Variants in CPXM2 observed in about 807,000 individuals in gnomAD.
CPXM2 encodes inactive carboxypeptidase-like protein X2.
A neutral mutation model predicts 86.1 loss-of-function variants in CPXM2; 66 were observed. That is an observed-to-expected ratio of 0.77 (90% CI 0.63 to 0.94). The LOEUF (loss-of-function observed/expected upper bound fraction) is 0.94. Among genes scored for constraint, CPXM2 ranks in the 40% least tolerant of loss-of-function variants. The pLI is 0.00. For missense variants in CPXM2, 948 were observed against 1,026.3 expected, an observed-to-expected ratio of 0.92 and a Z score of 1.04; for synonymous variants, 388 against 400.2, an observed-to-expected ratio of 0.97 and a Z score of 0.36.
At chr10:123,912,915 T>A (rs1945502575) in intron 2 of CPXM2, among the ~76,000 whole-genome samples, 1 of 152,242 alleles carries the variant, frequency 6.6e-6, no homozygotes, top group South Asian at 2.1e-4. Context: ...CCAGACCTTG[T>A]GGATTTACCT....
upstream of CPXM2, chr10:123,891,812 G>A (rs954990484): frequency 1.7e-5 from 5 of 293,778 alleles, no homozygotes; most frequent in Non-Finnish European, 2.7e-5. This position sits in a 1 kb window ranked among gnomAD's most constrained non-coding sequence, Gnocchi z 5.6. Flanking sequence ...GCGTGTGACC[G>A]GCCCGCGGGG....
intron 2 of CPXM2, among the ~76,000 whole-genome samples, chr10:123,873,976 C>T (rs113808446): frequency 0.019 from 2,818 of 151,158 alleles, 33 homozygotes; most frequent in Middle Eastern, 0.048. Context: ...TCTTGTGCCT[C>T]AGCCTCCTGA....
At chr10:123,881,729 G>T (rs1945096838) in intron 1 of CPXM2, among the ~76,000 whole-genome samples, 1 of 152,218 alleles carries the variant, frequency 6.6e-6, no homozygotes, top group South Asian at 2.1e-4. Context: ...TGGGGGCTGG[G>T]TGTCCCTGTG....
chr10:123,911,626 A>G (rs1044837422), intron 2 of CPXM2, among the ~76,000 whole-genome samples: 2 of 152,012 alleles, frequency 1.3e-5, no homozygotes, highest in Admixed American at 1.3e-4. Context: ...AAGCTGAGAG[A>G]CTTCAGGAAA....
At chr10:123,843,432 A>ATT (rs5788632) in intron 3 of CPXM2, among the ~76,000 whole-genome samples, 3,122 of 126,328 alleles carry the variant, frequency 0.025, 244 homozygotes, top group African/African-American at 0.062. Context: ...TCACAGAGCT[A>ATT]TTTTTTTTTT....
Position 123,780,268 on chromosome 10 carries a change from A to G in CPXM2, c.890-13T>C. The G allele has an allele frequency of 3.9e-6, 6 of 1,553,324 alleles. No individual in the cohort carries two copies. The highest frequency in any genetic ancestry group is 5.3e-6 in the Non-Finnish European group (6 of 1,125,004). ...TAATTATTAGGATCTAGGGACAGAA[A>G]CATGATTTTGCATTTACTCCCATCA... On this transcript the variant is annotated splice_polypyrimidine_tract_variant and intron_variant, in intron 6 of 13. Transcript: ENST00000241305.
Position 123,842,426 on chromosome 10 carries a change from C to G in CPXM2, c.576G>C (p.Gln192His). ...GCCGAGCATCCACTTCAATCCACTG[C>G]TGGAGGTCATTTCTTCCCGCGCACC... ...GAWCAGRNDLQQWIEVDARRL... is the reference protein window; with the variant it reads ...GAWCAGRNDLHQWIEVDARRL... The change falls in exon 4 of 14, where the codon CAG becomes CAC. Residue 192 changes from glutamine (Q) to histidine (H), a missense_variant. Gln to His is a conservative substitution (Grantham distance 24). Transcript: ENST00000241305. 6.2e-7 allele frequency: 1 copy of G among 1,614,242 alleles called. No individual in the cohort carries two copies. The highest frequency in any genetic ancestry group is 8.5e-7 in the Non-Finnish European group (1 of 1,180,044).
At chr10:123,810,965 A>C (rs1337117086) in intron 4 of CPXM2, among the ~76,000 whole-genome samples, 1 of 152,120 alleles carries the variant, frequency 6.6e-6, no homozygotes, top group African/African-American at 2.4e-5. Flanking sequence ...ATGTAAGAGA[A>C]TTGAGAGCCC....
rs563107383 is a variant in CPXM2, at chr10:123,783,556, T to G, written c.890-3301A>C. Reference sequence around the variant, plus strand: ...CTCTTCTGCTGGAGCCCTTGGAGGGTAGGATGTGAGTGGGAGGTGTGTGTG... The same window carrying G: ...CTCTTCTGCTGGAGCCCTTGGAGGGGAGGATGTGAGTGGGAGGTGTGTGTG... On this transcript the variant is annotated intron_variant, in intron 6 of 13. Transcript: ENST00000241305. 1.7e-3 allele frequency among the ~76,000 whole-genome samples: 255 copies of G among 152,154 alleles called. 2 individuals carry two copies. Among genetic ancestry groups the G allele is most frequent in the Middle Eastern group, 6.8e-3 (2 of 294 alleles).
At chr10:123,929,778 G>A (rs548940488) in intron 2 of CPXM2, among the ~76,000 whole-genome samples, 23 of 152,306 alleles carry the variant, frequency 1.5e-4, no homozygotes, top group South Asian at 6.2e-4. Flanking sequence ...GTCTTAGAGC[G>A]GGGTGTGCAC....
intron 2 of CPXM2, among the ~76,000 whole-genome samples, chr10:123,900,470 C>T (rs2134260216): frequency 6.6e-6 from 1 of 152,304 alleles, no homozygotes; most frequent in African/African-American, 2.4e-5. Flanking sequence ...AAGAAATGCT[C>T]AAAGCCATTA....
intron 4 of CPXM2, among the ~76,000 whole-genome samples, chr10:123,820,013 C>T (rs1281367570): frequency 1.3e-5 from 2 of 152,138 alleles, no homozygotes; most frequent in African/African-American, 4.8e-5. Flanking sequence ...ACCAGACTGG[C>T]CTAGCCTCCC....
chr10:123,908,792 A>G (rs144391340), intron 2 of CPXM2, among the ~76,000 whole-genome samples: 2 of 152,218 alleles, frequency 1.3e-5, no homozygotes, highest in African/African-American at 2.4e-5. Flanking sequence ...GACCTTCTGC[A>G]GTGAAGAAAA....
rs1453578509 is a variant in CPXM2 at position 123,768,608 on chromosome 10, C to T, written c.1217G>A (p.Arg406His). 3.1e-6 allele frequency: 5 copies of T among 1,613,876 alleles called. No individual in the cohort carries two copies. The highest frequency in any genetic ancestry group is 1.7e-5 in the Admixed American group (1 of 60,004). The stretch of plus-strand genomic sequence containing the variant: ...CGTCTCCTCCACCAGGTGGACGATG[C>T]GCGCATTCCGGGCCAAGTACTCCTG... ...VCQEYLARNA[R>H]IVHLVEETRI... The change falls in exon 9 of 14, where the codon CGC (arginine) becomes CAC (histidine). Residue 406 changes from arginine (R) to histidine (H), a missense_variant. Arg to His is a conservative substitution (Grantham distance 29). Transcript: ENST00000241305.
At chr10:123,812,362 T>G (rs1475465572) in intron 4 of CPXM2, among the ~76,000 whole-genome samples, 1 of 152,208 alleles carries the variant, frequency 6.6e-6, no homozygotes, top group Non-Finnish European at 1.5e-5. Flanking sequence ...AAAATCATTT[T>G]TATAAAGCCT....
chr10:123,747,043 C>T, intron 13 of CPXM2, 26 bp from the exon 14 acceptor site: 1 of 1,610,578 alleles, frequency 6.2e-7, no homozygotes, highest in Non-Finnish European at 8.5e-7. Context: ...CCAGGGGAGA[C>T]TCAGAGCAGC....
At chr10:123,842,966 A>C (rs1012595882) in intron 3 of CPXM2, among the ~76,000 whole-genome samples, 2 of 152,212 alleles carry the variant, frequency 1.3e-5, no homozygotes, top group African/African-American at 4.8e-5. Context: ...CAGAATCACT[A>C]ACTTAGTGTG....
At chr10:123,854,468 T>TATATATATA (rs1341055162) in intron 3 of CPXM2, among the ~76,000 whole-genome samples, 5 of 132,740 alleles carry the variant, frequency 3.8e-5, no homozygotes, top group African/African-American at 1.5e-4. Context: ...ATAATATATA[T>TATATATATA]TTTATATATA....
intron 11 of CPXM2, among the ~76,000 whole-genome samples, chr10:123,758,770 A>C (rs1846270750): frequency 6.6e-6 from 1 of 152,168 alleles, no homozygotes; most frequent in Non-Finnish European, 1.5e-5. Context: ...CGACTCACCC[A>C]GTAGAAGGCC....
Sources: allele counts gnomAD v4.1 joint callset (sites outside exome capture counted in the v4.1 genomes callset), GRCh38; gene constraint gnomAD v4.1.1; non-coding constraint Gnocchi (gnomAD v3.1); transcripts MANE v1.5; gene names NCBI Gene and HGNC (gene_info 2026-07-23, HGNC 2026-07-21).